The following VPS13B variants were observed in gnomAD, a reference collection of about 807,000 sequenced individuals.
VPS13B encodes the protein vacuolar protein sorting 13 homolog B, also known as intermembrane lipid transfer protein VPS13B.
In VPS13B, 285 loss-of-function variants were observed where a neutral mutation model predicts 426.4. That is an observed-to-expected ratio of 0.67 (90% confidence interval 0.61 to 0.74). VPS13B has a LOEUF of 0.74. Among genes scored for constraint, VPS13B ranks in the 30% least tolerant of loss-of-function variants. The probability of loss-of-function intolerance (pLI) is 0.00; values close to 1 mark genes in which losing one functional copy is unlikely to be tolerated. For missense variants in VPS13B, 4,537 were observed against 4,782.6 expected, an observed-to-expected ratio of 0.95 and a Z score of 1.51; for synonymous variants, 1,676 against 1,676.4, an observed-to-expected ratio of 1.00 and a Z score of 0.01.
intron 56 of VPS13B, among the ~76,000 whole-genome samples, chr8:99,856,704 G>T (rs1322272132): frequency 6.6e-6 from 1 of 152,102 alleles, no homozygotes; most frequent in Non-Finnish European, 1.5e-5. Context: ...AGCCAGGTGT[G>T]GGGGCATGCA....
At chr8:99,725,500 GT>G (rs954126159) in intron 39 of VPS13B, among the ~76,000 whole-genome samples, 1 of 152,170 alleles carries the variant, frequency 6.6e-6, no homozygotes, top group African/African-American at 2.4e-5. Context: ...AAGTGGAACA[GT>G]TTTATCCCAA....
intron 36 of VPS13B, 118 bp downstream of exon 36, chr8:99,700,050 T>G: frequency 3.2e-6 from 4 of 1,240,582 alleles, no homozygotes; most frequent in Non-Finnish European, 4.4e-6. Flanking sequence ...TAAAGGCCAT[T>G]AGAGATGAGG....
intron 27 of VPS13B, among the ~76,000 whole-genome samples, chr8:99,504,772 C>T (rs945998427): frequency 3.3e-5 from 5 of 152,180 alleles, no homozygotes; most frequent in African/African-American, 9.6e-5. Context: ...TCTTCAACTT[C>T]ACCAGCTGCA....
intron 33 of VPS13B, among the ~76,000 whole-genome samples, chr8:99,616,135 C>T (rs542234280): frequency 5.3e-5 from 8 of 152,106 alleles, no homozygotes; most frequent in Non-Finnish European, 1.5e-5. Flanking sequence ...TATTCTTTTA[C>T]TCTGTTTTAG....
chr8:99,526,389 G>A (rs761639721), intron 30 of VPS13B, among the ~76,000 whole-genome samples: 5 of 152,128 alleles, frequency 3.3e-5, no homozygotes, highest in Non-Finnish European at 7.3e-5. Context: ...TACTTAAGCA[G>A]ATTACTCAGG....
chr8:99,573,927 C>T (rs903654171), intron 31 of VPS13B, among the ~76,000 whole-genome samples: 3 of 152,100 alleles, frequency 2.0e-5, no homozygotes, highest in African/African-American at 7.2e-5. Context: ...TCTTCCTATC[C>T]ATGAGCATGG....
At chr8:99,436,409 T>A (rs1467271197) in intron 22 of VPS13B, among the ~76,000 whole-genome samples, 3 of 152,156 alleles carry the variant, frequency 2.0e-5, no homozygotes, top group Non-Finnish European at 2.9e-5. Flanking sequence ...AATCTCTAAT[T>A]ATGGTAAAAT....
intron 25 of VPS13B, among the ~76,000 whole-genome samples, chr8:99,489,227 T>C (rs1820464329): frequency 6.6e-6 from 1 of 152,244 alleles, no homozygotes; most frequent in Non-Finnish European, 1.5e-5. Context: ...GCCTCTGTGC[T>C]GTTCCATTGG....
In VPS13B at chr8:99,699,674, A is replaced by T; in HGVS notation, c.6196A>T (p.Asn2066Tyr). ...ETSAMSNTMVNKDDLPVSKYY... is the reference protein window; with the variant it reads ...ETSAMSNTMVYKDDLPVSKYY... ...TTCAGCCATGTCCAACACCATGGTGAATAAGGATGATCTTCCAGTCTCCAA... is the reference window on the plus strand; with the variant it reads ...TTCAGCCATGTCCAACACCATGGTGTATAAGGATGATCTTCCAGTCTCCAA... Residue 2066 changes from asparagine to tyrosine, a missense_variant, in exon 36 of 62, where the codon AAT becomes TAT. By Grantham distance (143) the Asn-to-Tyr change is moderately radical (BLOSUM62 -2). This residue lies in a region of VPS13B where 4,311 missense variants were observed against 4,474.3 expected (regional missense o/e 0.96). Coordinates refer to ENST00000357162, the MANE Select transcript of VPS13B (RefSeq NM_152564.5). The T allele has an allele frequency of 6.2e-7, 1 of 1,614,188 alleles. No homozygotes were observed. Among genetic ancestry groups the T allele is most frequent in the Non-Finnish European group, 8.5e-7 (1 of 1,180,026 alleles).
intron 19 of VPS13B, among the ~76,000 whole-genome samples, chr8:99,324,920 T>C (rs1396972891): frequency 6.6e-6 from 1 of 152,190 alleles, no homozygotes; most frequent in African/African-American, 2.4e-5. Context: ...AGGCTCTTCC[T>C]TCTCCTTCCA....
At chr8:99,227,552 A>G (rs1816080180) in intron 17 of VPS13B, among the ~76,000 whole-genome samples, 1 of 152,178 alleles carries the variant, frequency 6.6e-6, no homozygotes, top group Admixed American at 6.5e-5. Flanking sequence ...AATTAGGATC[A>G]GATTTTAATA....
At chr8:99,237,434 T>C (rs1226820186) in intron 17 of VPS13B, among the ~76,000 whole-genome samples, 1 of 152,184 alleles carries the variant, frequency 6.6e-6, no homozygotes, top group African/African-American at 2.4e-5. Flanking sequence ...TGAGGGTTTT[T>C]GTCAAAATGT....
chr8:99,795,985 C>T (rs1812791998), intron 43 of VPS13B, among the ~76,000 whole-genome samples: 1 of 152,110 alleles, frequency 6.6e-6, no homozygotes, highest in African/African-American at 2.4e-5. Context: ...ATTACTGGGG[C>T]TGTCTTGGAG....
chr8:99,448,656 T>C (rs1430710036), intron 23 of VPS13B, among the ~76,000 whole-genome samples: 2 of 152,170 alleles, frequency 1.3e-5, no homozygotes, highest in Non-Finnish European at 2.9e-5. Context: ...TTTCAATCTT[T>C]CTTGAGTATT....
chr8:99,097,361 T>C (rs1846483883), intron 4 of VPS13B, among the ~76,000 whole-genome samples: 2 of 152,200 alleles, frequency 1.3e-5, no homozygotes, highest in East Asian at 3.8e-4. Flanking sequence ...AATTATTGTT[T>C]AGTGGAGACA....
chr8:99,106,210 TC>T (rs1847034984), intron 5 of VPS13B, among the ~76,000 whole-genome samples: 1 of 151,628 alleles, frequency 6.6e-6, no homozygotes, highest in African/African-American at 2.4e-5. Context: ...GGCGGGCGGA[TC>T]CCCTGAGGTC....
At chr8:99,767,002 A>C (rs564734380) in intron 40 of VPS13B, 32 bp downstream of exon 40, 1 of 1,600,022 alleles carries the variant, frequency 6.2e-7, no homozygotes, top group East Asian at 2.2e-5. Context: ...TGGTAGCATT[A>C]CACTGGGAAA....
chr8:99,698,371 C>T (rs558839947), intron 35 of VPS13B, among the ~76,000 whole-genome samples: 4 of 152,260 alleles, frequency 2.6e-5, no homozygotes, highest in South Asian at 2.1e-4. Flanking sequence ...GAGGACCACG[C>T]GGACTCTGCC....
intron 19 of VPS13B, among the ~76,000 whole-genome samples, chr8:99,360,218 CTTTCTTTCTT>C (rs748893517): frequency 0.63 from 53,651 of 85,660 alleles, 20,206 homozygotes; most frequent in South Asian, 0.75. Context: ...CTCTTTCTTT[CTTTCTTTCTT>C]TCTTTCTCTC....
Sources: allele counts gnomAD v4.1 joint callset (sites outside exome capture counted in the v4.1 genomes callset), GRCh38; gene constraint gnomAD v4.1.1; regional missense constraint gnomAD v4.1.1; transcripts MANE v1.5; gene names NCBI Gene and HGNC (gene_info 2026-07-23, HGNC 2026-07-21).